The following HERC4 variants were observed in gnomAD, a reference collection of about 807,000 sequenced individuals.
HERC4 encodes the protein HECT and RLD domain containing E3 ubiquitin protein ligase 4.
Under a neutral mutation model 124.3 loss-of-function variants are expected in HERC4, and 28 were observed. The observed-to-expected ratio is 0.23, with a 90% CI of 0.17 to 0.31. HERC4 has a LOEUF of 0.31. Ranked by LOEUF, HERC4 falls within the 10% of genes least tolerant of loss-of-function variation. The probability of loss-of-function intolerance (pLI) is 1.00; values close to 1 mark genes in which losing one functional copy is unlikely to be tolerated. For missense variants in HERC4, 713 were observed against 1,229.3 expected (o/e 0.58, Z 6.28); for synonymous variants, 407 against 421.5 (o/e 0.97, Z 0.42).
chr10:68,065,900 C>T (rs1006245782), intron 3 of HERC4, among the ~76,000 whole-genome samples: 1 of 151,702 alleles, frequency 6.6e-6, no homozygotes, highest in African/African-American at 2.4e-5. Flanking sequence ...TTACACACAG[C>T]ATAGGTTTTT....
At chr10:67,925,612 T>G (rs2030821324) in intron 23 of HERC4, among the ~76,000 whole-genome samples, 1 of 152,136 alleles carries the variant, frequency 6.6e-6, no homozygotes, top group Non-Finnish European at 1.5e-5. Flanking sequence ...CTGAGGTAGT[T>G]TCCAAGATGG....
chr10:67,992,760 C>A, intron 9 of HERC4, 78 bp from the exon 10 acceptor site: 1 of 713,012 alleles, frequency 1.4e-6, no homozygotes, highest in Non-Finnish European at 2.4e-6. Context: ...ATTAGATTTT[C>A]ACATAATCAT....
chr10:67,983,664 G>C (rs2132666961), intron 15 of HERC4, among the ~76,000 whole-genome samples: 1 of 152,076 alleles, frequency 6.6e-6, no homozygotes, highest in East Asian at 1.9e-4. Context: ...GCAGGCGCCT[G>C]TGGTCCCAGC....
rs1266283218 is a variant in HERC4 at position 67,966,782 on chromosome 10, C to A, written c.1827G>T (p.Gln609His). 1 of 1,559,944 alleles carries A rather than the reference C, an allele frequency of 6.4e-7. No homozygotes were observed. Among genetic ancestry groups the A allele is most frequent in the Admixed American group, 1.9e-5 (1 of 51,540 alleles). The change falls in exon 16 of 25, where the codon CAG becomes CAT. Residue 609 changes from glutamine (Q) to histidine (H), a missense_variant. Transcript: ENST00000373700. The part of the protein sequence containing the change: ...ILHRVNEKMG[Q>H]IIQYDKFYIH... ...TATAAAATTTATCATACTGTATAATCTGTCCCATTTTCTCATTTACCTACA... is the reference window on the plus strand; with the variant it reads ...TATAAAATTTATCATACTGTATAATATGTCCCATTTTCTCATTTACCTACA...
At chr10:68,070,860 C>A (rs961269010) in intron 3 of HERC4, among the ~76,000 whole-genome samples, 1 of 152,124 alleles carries the variant, frequency 6.6e-6, no homozygotes, top group Non-Finnish European at 1.5e-5. Context: ...TATGTGATCA[C>A]CAATAGAATT....
At position 68,059,464 on chromosome 10, in the gene HERC4, T is replaced by TATTATATATTATAAC. The variant is rs1371257472; in HGVS notation, c.226+13418_226+13419insGTTATAATATATAAT. 4.6e-3 allele frequency among the ~76,000 whole-genome samples: 601 copies of TATTATATATTATAAC among 131,586 alleles called. 5 individuals are homozygous for TATTATATATTATAAC. Among genetic ancestry groups the TATTATATATTATAAC allele is most frequent in the Middle Eastern group, 0.018 (5 of 274 alleles). The allele number at this position is 131,586 out of a possible 152,430, so 86.3% of individuals were successfully genotyped here. ...ATAATAATATTATATATTATAATAA[T>TATTATATATTATAAC]ATTATATATTATAATATTATATATT... On this transcript the variant is annotated intron_variant, in intron 3 of 24. Coordinates refer to ENST00000373700, the MANE Select transcript of HERC4 (RefSeq NM_015601.4).
intron 23 of HERC4, among the ~76,000 whole-genome samples, chr10:67,930,149 A>G (rs895227693): frequency 1.3e-5 from 2 of 152,184 alleles, no homozygotes; most frequent in Admixed American, 1.3e-4. Context: ...ATTCTGCTGA[A>G]TAGGTATACT....
chr10:67,957,020 T>C (rs2034185623), intron 16 of HERC4, 44 bp from the exon 17 acceptor site: 2 of 1,129,674 alleles, frequency 1.8e-6, no homozygotes, highest in African/African-American at 3.1e-5. Context: ...TGATTTGTGA[T>C]ATACTTACTG....
intron 18 of HERC4, 76 bp downstream of exon 18, chr10:67,954,887 T>C: frequency 7.1e-7 from 1 of 1,404,378 alleles, no homozygotes; most frequent in Non-Finnish European, 9.5e-7. Context: ...AAAGATTCAC[T>C]AAAAACAAAT....
intron 3 of HERC4, among the ~76,000 whole-genome samples, chr10:68,060,687 A>C (rs1589453204): frequency 1.3e-5 from 2 of 152,240 alleles, no homozygotes; most frequent in South Asian, 2.1e-4. Context: ...TCAACTTCCT[A>C]ACTGAAAATA....
chr10:67,951,485 G>C (rs1395508384), intron 19 of HERC4, among the ~76,000 whole-genome samples: 1 of 152,142 alleles, frequency 6.6e-6, no homozygotes, highest in African/African-American at 2.4e-5. Context: ...GACTGTCCTT[G>C]CTCCACCAAA....
chr10:67,941,172 T>C, intron 19 of HERC4, 67 bp from the exon 20 acceptor site: 1 of 1,110,658 alleles, frequency 9.0e-7, no homozygotes, highest in South Asian at 1.9e-5. Flanking sequence ...TAAGATTACA[T>C]AAATATGCTC....
intron 15 of HERC4, among the ~76,000 whole-genome samples, chr10:67,985,997 T>C (rs2036240346): frequency 6.6e-6 from 1 of 152,196 alleles, no homozygotes; most frequent in African/African-American, 2.4e-5. Flanking sequence ...AGCTGTCAGA[T>C]ACAAGGTGTC....
Position 67,990,302 on chromosome 10 carries a change from G to A in HERC4, c.1542C>T (p.Pro514=), listed in dbSNP as rs1265906172. The change falls in exon 14 of 25, where the codon CCC becomes CCT. Residue 514 remains proline (P), a synonymous_variant. Coordinates refer to ENST00000373700, the MANE Select transcript of HERC4 (RefSeq NM_015601.4). The part of the protein sequence containing the change: ...LRFYLTLPEC[P]LMSDSNNFTT... ...TGAAATTGTTGGAATCACTCATCAG[G>A]GGACATTCTGGTAGAGTAAGATAAA... 1.2e-6 allele frequency: 2 copies of A among 1,612,590 alleles called. No homozygotes were observed. The highest frequency in any genetic ancestry group is 1.7e-6 in the Non-Finnish European group (2 of 1,179,030).
chr10:68,005,413 A>G (rs746912997), intron 9 of HERC4, among the ~76,000 whole-genome samples: 92 of 151,540 alleles, frequency 6.1e-4, no homozygotes, highest in Non-Finnish European at 1.1e-3. Flanking sequence ...CTTTATTTTC[A>G]GTGTATGTGT....
chr10:68,039,349 A>G, intron 4 of HERC4: 1 of 1,492,738 alleles, frequency 6.7e-7, no homozygotes, highest in Non-Finnish European at 8.9e-7. Context: ...GAAAGAAAAG[A>G]AAAAACGGGG....
chr10:68,064,925 T>C (rs930928243), intron 3 of HERC4, among the ~76,000 whole-genome samples: 1 of 149,914 alleles, frequency 6.7e-6, no homozygotes, highest in Non-Finnish European at 1.5e-5. Context: ...TGAGTGGAGA[T>C]CGCGCCATGC....
intron 3 of HERC4, among the ~76,000 whole-genome samples, chr10:68,064,915 T>C (rs1177998193): frequency 6.7e-6 from 1 of 149,332 alleles, no homozygotes; most frequent in Non-Finnish European, 1.5e-5. Context: ...GAGGCTAGGG[T>C]GAGTGGAGAT....
In HERC4 at chr10:67,991,124, A is replaced by T. The variant is rs1343803080; in HGVS notation, c.1331+16T>A. ...TAAATTTGAAAATTTCAGCATATTA[A>T]AGAATTGCCACTTACCTAACAGCTA... On this transcript the variant is annotated intron_variant, in intron 12 of 24. Transcript: ENST00000373700. 1 of 1,508,304 alleles carries T rather than the reference A, an allele frequency of 6.6e-7. No homozygotes were observed. Among genetic ancestry groups the T allele is most frequent in the Non-Finnish European group, 8.9e-7 (1 of 1,123,880 alleles). 93.4% of individuals were successfully genotyped at this position (1,508,304 alleles called of 1,614,324 possible).
Sources: gnomAD v4.1 joint callset for allele counts (sites outside exome capture counted in the v4.1 genomes callset) on GRCh38, gnomAD v4.1.1 for gene constraint, MANE v1.5 for transcripts, NCBI Gene and HGNC (gene_info 2026-07-23, HGNC 2026-07-21) for gene names.